The following ADCY1 variants were observed in gnomAD, a reference collection of about 807,000 sequenced individuals.
ADCY1 encodes the protein adenylate cyclase 1.
In ADCY1, 28 loss-of-function variants were observed where a neutral mutation model predicts 105.4. The observed-to-expected ratio is 0.27, with a 90% CI of 0.20 to 0.36. The LOEUF is 0.36. ADCY1 is among the 10% of genes least tolerant of loss of function. The pLI is 1.00. For synonymous variants in ADCY1, 655 were observed against 623.8 expected, an observed-to-expected ratio of 1.05 and a Z score of -0.75; for missense variants, 977 against 1,434.2, an observed-to-expected ratio of 0.68 and a Z score of 5.15.
chr7:45,585,381 C>G (rs1206222964), intron 1 of ADCY1, among the ~76,000 whole-genome samples: 1 of 151,324 alleles, frequency 6.6e-6, no homozygotes, highest in Non-Finnish European at 1.5e-5. Flanking sequence ...GAGCACTGAC[C>G]ATGTCCTGGT....
At chr7:45,712,015 T>C (rs1213326983) in intron 19 of ADCY1, among the ~76,000 whole-genome samples, 1 of 112,350 alleles carries the variant, frequency 8.9e-6, no homozygotes, top group African/African-American at 4.0e-5. Context: ...TAAATATATA[T>C]TTTATATATT....
chr7:45,642,972 T>C (rs1476787873), intron 4 of ADCY1, among the ~76,000 whole-genome samples: 1 of 152,238 alleles, frequency 6.6e-6, no homozygotes, highest in East Asian at 1.9e-4. Flanking sequence ...GTTTTCAAAA[T>C]AATAATCAGC....
In ADCY1 at chr7:45,685,970, C is replaced by T. The variant is rs764184533; in HGVS notation, c.2082C>T (p.Cys694=). 6.2e-7 allele frequency: 1 copy of T among 1,611,874 alleles called. No individual in the cohort carries two copies. Among genetic ancestry groups the T allele is most frequent in the Admixed American group, 1.7e-5 (1 of 59,942 alleles). Residue 694 remains cysteine, a synonymous_variant, in exon 13 of 20, where the codon TGC becomes TGT. Transcript: ENST00000297323. ...GACCCCTCCCTTCCCAGGTGGGCTGCCTGCCTTGGGCCTGGAGCTCCAAGC... is the reference window on the plus strand; with the variant it reads ...GACCCCTCCCTTCCCAGGTGGGCTGTCTGCCTTGGGCCTGGAGCTCCAAGC... ...YSVAQGCVVG[C]LPWAWSSKPN... is the part of the protein sequence containing the mutation.
rs1053027503 is a variant in ADCY1, at chr7:45,575,007, G to T, written c.464G>T (p.Gly155Val). The T allele has an allele frequency of 8.1e-6, 13 of 1,611,494 alleles. 1 individual carries two copies. The African/African-American group carries it at 9.3e-5, about 12-fold the overall frequency. Residue 155 changes from glycine (G) to valine (V), a missense_variant, in exon 1 of 20, where the codon GGG (glycine) becomes GTG (valine). Coordinates refer to ENST00000297323, the MANE Select transcript of ADCY1 (RefSeq NM_021116.4). This position sits in a 1 kb window ranked among gnomAD's most constrained non-coding sequence, Gnocchi z 4.7. ...CGGGGTTCCGCCGGGGCCGCTGGGG[G>T]GCCAGCGACCGCCGAACAAGGGGTT... ...PARGSAGAAG[G>V]PATAEQGVWQ...
intron 11 of ADCY1, chr7:45,680,448 C>T (rs929358855): frequency 6.6e-6 from 1 of 152,368 alleles, no homozygotes; most frequent in African/African-American, 2.4e-5. Flanking sequence ...TCATCACATT[C>T]TCCACCTTCA....
intron 8 of ADCY1, among the ~76,000 whole-genome samples, chr7:45,666,954 C>T (rs887277529): frequency 2.6e-4 from 40 of 152,200 alleles, no homozygotes; most frequent in African/African-American, 6.7e-4. Context: ...TCATATCCTT[C>T]GCCCACTTTT....
chr7:45,581,680 G>A (rs1406667070), intron 1 of ADCY1, among the ~76,000 whole-genome samples: 2 of 152,092 alleles, frequency 1.3e-5, no homozygotes, highest in Non-Finnish European at 2.9e-5. Flanking sequence ...GAGTTCACAC[G>A]ACCACAGGCT....
chr7:45,630,852 G>A (rs768287179), intron 4 of ADCY1, among the ~76,000 whole-genome samples: 5 of 151,936 alleles, frequency 3.3e-5, no homozygotes, highest in Non-Finnish European at 5.9e-5. Flanking sequence ...ATGTAAGTTT[G>A]CATTTACAGA....
intron 4 of ADCY1, among the ~76,000 whole-genome samples, chr7:45,638,419 CT>C (rs1303665646): frequency 4.0e-5 from 6 of 149,610 alleles, no homozygotes; most frequent in Non-Finnish European, 7.4e-5. Context: ...CAATTTGAAT[CT>C]TTTTTCCCTT....
chr7:45,658,780 G>T (rs1263955206), intron 6 of ADCY1, among the ~76,000 whole-genome samples: 1 of 152,262 alleles, frequency 6.6e-6, no homozygotes, highest in Non-Finnish European at 1.5e-5. Context: ...GGTGACCGTT[G>T]TAGTTCAGGG....
chr7:45,578,870 A>G (rs1277998950), intron 1 of ADCY1, among the ~76,000 whole-genome samples: 2 of 152,110 alleles, frequency 1.3e-5, no homozygotes. Context: ...AGGATATTGT[A>G]TTTTTACCTA....
rs78680195 is a variant in ADCY1, at chr7:45,647,217, C to G, written c.1021-1453C>G. On this transcript the variant is annotated intron_variant, in intron 4 of 19. Transcript: ENST00000297323. This position sits in a 1 kb window ranked among gnomAD's most constrained non-coding sequence, Gnocchi z 4.6. ...CTGGGAAGATACTTCCATGGACAGG[C>G]CATTCAGCTGCTAGGCCAATCCCTG... Among the ~76,000 whole-genome samples the G allele has an allele frequency of 0.047, 7,106 of 152,316 alleles. 216 individuals carry two copies. Among genetic ancestry groups the G allele is most frequent in the Middle Eastern group, 0.075 (22 of 294 alleles).
Position 45,610,404 on chromosome 7 carries a change from C to T in ADCY1, c.815C>T (p.Pro272Leu). The T allele has an allele frequency of 6.2e-7, 1 of 1,613,894 alleles. No individual in the cohort carries two copies. The highest frequency in any genetic ancestry group is 8.5e-7 in the Non-Finnish European group (1 of 1,179,976). The change falls in exon 3 of 20, where the codon CCC becomes CTC. Residue 272 changes from proline (P) to leucine (L), a missense_variant. Pro to Leu is a moderately conservative substitution (Grantham distance 98). Transcript: ENST00000297323. Reference protein sequence around the residue: ...KQERLLMSLLPRNVAMEMKED... With the variant: ...KQERLLMSLLLRNVAMEMKED... ...GAGCGGCTCCTCATGAGCCTCCTGC[C>T]CCGGAACGTTGCCATGGAGATGAAG...
intron 8 of ADCY1, among the ~76,000 whole-genome samples, chr7:45,673,227 T>C (rs1784396098): frequency 6.6e-6 from 1 of 152,126 alleles, no homozygotes; most frequent in African/African-American, 2.4e-5. Flanking sequence ...ATGAGGGATA[T>C]TGGCCTGTAG....
intron 8 of ADCY1, among the ~76,000 whole-genome samples, chr7:45,665,498 C>T (rs1228714365): frequency 6.6e-6 from 1 of 152,266 alleles, no homozygotes; most frequent in Non-Finnish European, 1.5e-5. Context: ...CCTCCCAATT[C>T]AGTCTCTCTC....
intron 3 of ADCY1, among the ~76,000 whole-genome samples, chr7:45,618,514 C>T (rs1793804020): frequency 6.6e-6 from 1 of 152,062 alleles, no homozygotes; most frequent in Non-Finnish European, 1.5e-5. Context: ...ACAAGGAACT[C>T]AATAGCAAGA....
chr7:45,656,383 T>C (rs1794944753), intron 5 of ADCY1, among the ~76,000 whole-genome samples: 1 of 152,236 alleles, frequency 6.6e-6, no homozygotes, highest in South Asian at 2.1e-4. Context: ...TTCCACATAA[T>C]GTAAATCTGT....
intron 14 of ADCY1, among the ~76,000 whole-genome samples, chr7:45,689,637 T>C (rs890280535): frequency 2.6e-5 from 4 of 151,992 alleles, no homozygotes; most frequent in Non-Finnish European, 5.9e-5. Context: ...TCTCCAACAC[T>C]AGGATTACAT....
intron 1 of ADCY1, among the ~76,000 whole-genome samples, chr7:45,587,022 C>T (rs1362322344): frequency 6.6e-6 from 1 of 152,198 alleles, no homozygotes; most frequent in Non-Finnish European, 1.5e-5. Context: ...CTGAATGCCA[C>T]CCAGGCTGAG....
Sources: gnomAD v4.1 joint callset for allele counts (sites outside exome capture counted in the v4.1 genomes callset) on GRCh38, gnomAD v4.1.1 for gene constraint, Gnocchi (gnomAD v3.1) non-coding constraint, MANE v1.5 for transcripts, NCBI Gene and HGNC (gene_info 2026-07-23, HGNC 2026-07-21) for gene names.